BLTP1: variants seen among roughly 807,000 people sequenced by gnomAD.
BLTP1 encodes the protein fragile site-associated protein.
the BLTP1 span, among the ~76,000 whole-genome samples, chr4:122,302,964 C>T: frequency 6.6e-6 from 1 of 152,184 alleles, no homozygotes. Flanking sequence ...GTCTTCATAA[C>T]ATAAAAGTGC....
the BLTP1 span, chr4:122,269,666 G>T: frequency 1.0e-6 from 1 of 985,174 alleles, no homozygotes; most frequent in African/African-American, 1.7e-5. Context: ...TCTGCTGATT[G>T]TTGTATATTA....
At chr4:122,166,849 G>C in the BLTP1 span, among the ~76,000 whole-genome samples, 1 of 152,194 alleles carries the variant, frequency 6.6e-6, no homozygotes, top group South Asian at 2.1e-4. Flanking sequence ...GTGAATGGGA[G>C]TTCACTCATG....
chr4:122,324,823 G>T, the BLTP1 span, among the ~76,000 whole-genome samples: 1 of 151,908 alleles, frequency 6.6e-6, no homozygotes, highest in African/African-American at 2.4e-5. Flanking sequence ...GGATAGACAA[G>T]TTTTATGCGT....
At chr4:122,186,906 C>A in the BLTP1 span, 1 of 460,426 alleles carries the variant, frequency 2.2e-6, no homozygotes, top group Non-Finnish European at 2.9e-6. Context: ...TTGTATATGG[C>A]CAGTTTTCTT....
At chr4:122,211,000 C>T in the BLTP1 span, 3 of 1,612,096 alleles carry the variant, frequency 1.9e-6, no homozygotes, top group African/African-American at 4.0e-5. Context: ...TCCCTCAGAA[C>T]TTCCACCTGA....
At chr4:122,262,894 C>T in the BLTP1 span, 1 of 1,614,118 alleles carries the variant, frequency 6.2e-7, no homozygotes, top group African/African-American at 1.3e-5. Context: ...AGCTACCTGA[C>T]TGGAAGCTTC....
the BLTP1 span, chr4:122,188,868 T>G: frequency 3.8e-6 from 3 of 787,776 alleles, no homozygotes; most frequent in Non-Finnish European, 4.6e-6. Flanking sequence ...ACATGATTAT[T>G]CCTTTTTAGT....
At chr4:122,305,460 T>G in the BLTP1 span, 7 of 972,470 alleles carry the variant, frequency 7.2e-6, no homozygotes, top group Non-Finnish European at 8.6e-6. Context: ...CAAAAATTAT[T>G]ATGTAGATTT....
At chr4:122,153,127 G>A in the BLTP1 span, 1 of 465,778 alleles carries the variant, frequency 2.1e-6, no homozygotes, top group Non-Finnish European at 2.8e-6. Context: ...AAGAGAAGTT[G>A]ATTTTTCTTC....
At chr4:122,253,062 A>G in the BLTP1 span, among the ~76,000 whole-genome samples, 6 of 152,216 alleles carry the variant, frequency 3.9e-5, no homozygotes, top group Admixed American at 6.5e-5. Flanking sequence ...TGGTACCTCT[A>G]TAAGTTGCAA....
At chr4:122,171,090 A>G in the BLTP1 span, among the ~76,000 whole-genome samples, 2 of 152,300 alleles carry the variant, frequency 1.3e-5, no homozygotes, top group African/African-American at 4.8e-5. Flanking sequence ...ATCCTCAAAT[A>G]TAATTTTACT....
chr4:122,313,622 G>T, the BLTP1 span: 1 of 1,572,138 alleles, frequency 6.4e-7, no homozygotes, highest in Non-Finnish European at 8.6e-7. Context: ...GGTGATTTTT[G>T]TACAGGTGTA....
At chr4:122,247,728 G>T in the BLTP1 span, 3 of 1,009,112 alleles carry the variant, frequency 3.0e-6, no homozygotes, top group Non-Finnish European at 3.6e-6. Flanking sequence ...AACAGTGTTA[G>T]AAAGAATTAA....
At chr4:122,343,410 G>T in the BLTP1 span, 2 of 1,613,652 alleles carry the variant, frequency 1.2e-6, no homozygotes, top group Non-Finnish European at 8.5e-7. Context: ...CTCACTGTAG[G>T]TTCATCGGGA....
chr4:122,314,763 G>A, the BLTP1 span, among the ~76,000 whole-genome samples: 1 of 152,084 alleles, frequency 6.6e-6, no homozygotes, highest in Non-Finnish European at 1.5e-5. Context: ...ATAAATCTTC[G>A]TCAGGACTTT....
At chr4:122,239,418 A>T in the BLTP1 span, 1 of 1,004,470 alleles carries the variant, frequency 1.0e-6, no homozygotes, top group Non-Finnish European at 1.4e-6. Flanking sequence ...TGTAAAGTAC[A>T]TGATTAAAAT....
At chr4:122,305,509 G>T in the BLTP1 span, 5 of 983,914 alleles carry the variant, frequency 5.1e-6, no homozygotes, top group Non-Finnish European at 4.8e-6. Context: ...GTAGAAAAAT[G>T]CCAGTCACAG....
chr4:122,188,197 G>A, the BLTP1 span: 7 of 1,201,984 alleles, frequency 5.8e-6, no homozygotes, highest in South Asian at 2.4e-5. Context: ...ACAAAAATTA[G>A]GTATATTTCT....
the BLTP1 span, chr4:122,174,667 A>T: frequency 6.5e-7 from 1 of 1,544,662 alleles, no homozygotes; most frequent in Non-Finnish European, 8.9e-7. Flanking sequence ...CAAAATTAAA[A>T]AATTGAAAAG....
Sources: gnomAD v4.1 joint callset for allele counts (sites outside exome capture counted in the v4.1 genomes callset) on GRCh38, gnomAD v4.1.1 for gene constraint, MANE v1.5 for transcripts, NCBI Gene and HGNC (gene_info 2026-07-23, HGNC 2026-07-21) for gene names.